Variants in DGCR2 observed in about 807,000 individuals in gnomAD.
DGCR2 encodes the protein DiGeorge syndrome critical region gene 2.
DGCR2 carries 24 observed loss-of-function variants against 51.6 expected under a neutral mutation model. The observed-to-expected ratio is 0.47, with a 90% CI of 0.34 to 0.65. DGCR2 has a LOEUF of 0.65. Among genes scored for constraint, DGCR2 ranks in the 30% least tolerant of loss-of-function variants. The probability of loss-of-function intolerance (pLI) is 0.01; values close to 1 mark genes in which losing one functional copy is unlikely to be tolerated. For missense variants in DGCR2, 765 were observed against 772.1 expected (o/e 0.99, Z 0.11); for synonymous variants, 340 against 315.4 (o/e 1.08, Z -0.82).
Position 19,063,321 on chromosome 22 carries a change from G to A in DGCR2, c.549-43C>T, listed in dbSNP as rs763969683. ...AGAGACAGAGATCTCAGCGGCAGGA[G>A]GGATGCAACCATCAATGACTGTGTG... On this transcript the variant is annotated intron_variant, in intron 4 of 9. Coordinates refer to ENST00000263196, the MANE Select transcript of DGCR2 (RefSeq NM_005137.3). 1.9e-6 allele frequency: 3 copies of A among 1,571,862 alleles called. No homozygotes were observed. The South Asian group carries it at 3.3e-5, about 18-fold the overall frequency.
chr22:19,084,799 G>T (rs1432726205), intron 2 of DGCR2, among the ~76,000 whole-genome samples: 1 of 118,642 alleles, frequency 8.4e-6, no homozygotes, highest in Non-Finnish European at 1.7e-5. Context: ...GCCCCGTCCG[G>T]GAAGGAGGTG....
At chr22:19,048,756 A>T in intron 6 of DGCR2, 113 bp from the exon 7 acceptor site, 2 of 997,356 alleles carry the variant, frequency 2.0e-6, no homozygotes, top group Admixed American at 3.8e-5. Context: ...TGTGAATGCT[A>T]CCTGTTACCT....
chr22:19,065,208 G>C, intron 3 of DGCR2, 141 bp from the exon 4 acceptor site: 1 of 690,558 alleles, frequency 1.4e-6, no homozygotes, highest in Non-Finnish European at 2.4e-6. Context: ...GACAAGGTCT[G>C]CTTCTGAAAC....
intron 1 of DGCR2, among the ~76,000 whole-genome samples, chr22:19,104,347 A>G (rs542202949): frequency 2.0e-5 from 3 of 151,142 alleles, no homozygotes; most frequent in Non-Finnish European, 4.4e-5. Context: ...TCTAGATTCA[A>G]TTTCTCCTTT....
chr22:19,105,776 A>G (rs1257969873), intron 1 of DGCR2, among the ~76,000 whole-genome samples: 2 of 152,190 alleles, frequency 1.3e-5, no homozygotes, highest in Non-Finnish European at 2.9e-5. Flanking sequence ...CATTCCAAAC[A>G]GTGCACAGAC....
chr22:19,099,383 C>G (rs2083176356), intron 1 of DGCR2, among the ~76,000 whole-genome samples: 1 of 151,640 alleles, frequency 6.6e-6, no homozygotes, highest in South Asian at 2.1e-4. Context: ...AGTTCGAGAC[C>G]AGCCTGGCCA....
chr22:19,064,805 A>T (rs761666889), intron 4 of DGCR2, 43 bp downstream of exon 4: 20 of 1,568,674 alleles, frequency 1.3e-5, no homozygotes, highest in Non-Finnish European at 4.4e-6. Context: ...AGTAGTCATC[A>T]GACTCTGACT....
chr22:19,095,100 C>T (rs1331408434), intron 1 of DGCR2, among the ~76,000 whole-genome samples: 2 of 152,208 alleles, frequency 1.3e-5, no homozygotes, highest in Non-Finnish European at 2.9e-5. Context: ...CAGAGGCTCA[C>T]GCCTATAATC....
chr22:19,111,422 T>C (rs1320427437), intron 1 of DGCR2, among the ~76,000 whole-genome samples: 7 of 152,200 alleles, frequency 4.6e-5, no homozygotes, highest in Non-Finnish European at 4.4e-5. Flanking sequence ...TTTGGAATCA[T>C]GGTGCAGGAG....
At chr22:19,082,039 A>G (rs912007148) in intron 2 of DGCR2, among the ~76,000 whole-genome samples, 3 of 147,334 alleles carry the variant, frequency 2.0e-5, no homozygotes, top group African/African-American at 7.4e-5. Flanking sequence ...CACAGTCTTT[A>G]CTGGTGTTTT....
chr22:19,069,520 A>G (rs1017799275), intron 2 of DGCR2, among the ~76,000 whole-genome samples: 2 of 152,244 alleles, frequency 1.3e-5, no homozygotes, highest in East Asian at 3.8e-4. Context: ...TCTCTTTTCT[A>G]CACAAATCTT....
Position 19,068,195 on chromosome 22 carries a change from C to T in DGCR2, c.233G>A (p.Gly78Glu). The stretch of plus-strand genomic sequence containing the variant: ...CTGCCGCGGATCCACAGCCTCCTTC[C>T]CATGATGAGGACGCACCTCCCCGGT... ...EVTGEVRPHH[G>E]KEAVDPRQGR... The change falls in exon 3 of 10, where the codon GGG becomes GAG. Residue 78 changes from glycine (G) to glutamate (E), a missense_variant. Physicochemically the swap from Gly to Glu is moderately conservative, Grantham distance 98. Around this residue, in one of 3 missense-constraint regions of DGCR2, gnomAD observed 370 missense variants for 325.5 expected, o/e 1.14. Coordinates refer to ENST00000263196, the MANE Select transcript of DGCR2 (RefSeq NM_005137.3). 1 of 1,610,598 alleles carries T rather than the reference C, an allele frequency of 6.2e-7. No homozygotes were observed. The highest frequency in any genetic ancestry group is 1.1e-5 in the South Asian group (1 of 90,654).
At chr22:19,066,603 G>A (rs999524699) in intron 3 of DGCR2, among the ~76,000 whole-genome samples, 5 of 152,200 alleles carry the variant, frequency 3.3e-5, no homozygotes, top group Non-Finnish European at 7.3e-5. Flanking sequence ...ACTGAGGCAG[G>A]CAGAGGCCAG....
intron 1 of DGCR2, among the ~76,000 whole-genome samples, chr22:19,109,783 T>C (rs560538420): frequency 1.7e-4 from 26 of 152,248 alleles, no homozygotes; most frequent in Non-Finnish European, 3.2e-4. Context: ...TATTTTACGT[T>C]ATTAAAAAAA....
In DGCR2 at chr22:19,038,877, A is replaced by T; in HGVS notation, c.1641T>A (p.Asn547Lys). The T allele has an allele frequency of 6.2e-7, 1 of 1,612,918 alleles. No homozygotes were observed. The highest frequency in any genetic ancestry group is 1.3e-5 in the African/African-American group (1 of 75,050). The change falls in exon 10 of 10, where the codon AAT becomes AAA. Residue 547 changes from asparagine (N) to lysine (K), a missense_variant. Transcript: ENST00000263196. ...CAGGCCAGGCCGTCTACACCACAGT[A>T]TTGAGGGAGCTGCGGCTGTGGCGGC... ...GGGRHSRSSL[N>K]TVV
intron 1 of DGCR2, among the ~76,000 whole-genome samples, chr22:19,097,176 G>A (rs2793064): frequency 0.41 from 62,532 of 151,724 alleles, 13,332 homozygotes; most frequent in African/African-American, 0.53. Flanking sequence ...GCCTTGCCTT[G>A]GCTGCTTCTA....
In DGCR2 at chr22:19,068,202, G is replaced by T; in HGVS notation, c.226C>A (p.His76Asn). Residue 76 changes from histidine (H) to asparagine (N), a missense_variant, in exon 3 of 10, where the codon CAT becomes AAT. Physicochemically the swap from His to Asn is moderately conservative, Grantham distance 68. Transcript: ENST00000263196. ...CPEVTGEVRPHHGKEAVDPRQ... is the reference protein window; with the variant it reads ...CPEVTGEVRPNHGKEAVDPRQ... ...GGATCCACAGCCTCCTTCCCATGAT[G>T]AGGACGCACCTCCCCGGTCACTTCT... 1 of 1,609,392 alleles carries T rather than the reference G, an allele frequency of 6.2e-7. No homozygotes were observed. Among genetic ancestry groups the T allele is most frequent in the Non-Finnish European group, 8.5e-7 (1 of 1,178,026 alleles).
At chr22:19,066,060 G>A (rs1401234187) in intron 3 of DGCR2, among the ~76,000 whole-genome samples, 3 of 152,212 alleles carry the variant, frequency 2.0e-5, no homozygotes, top group Non-Finnish European at 2.9e-5. Context: ...TCTGCTCACC[G>A]TGAAGGGTAC....
intron 1 of DGCR2, among the ~76,000 whole-genome samples, chr22:19,104,715 G>T (rs1205860409): frequency 1.3e-5 from 2 of 152,186 alleles, no homozygotes; most frequent in African/African-American, 2.4e-5. Flanking sequence ...AGAACAGAAG[G>T]TTCCAGCATC....
Sources: allele counts gnomAD v4.1 joint callset (sites outside exome capture counted in the v4.1 genomes callset), GRCh38; gene constraint gnomAD v4.1.1; regional missense constraint gnomAD v4.1.1; transcripts MANE v1.5; gene names NCBI Gene and HGNC (gene_info 2026-07-23, HGNC 2026-07-21).